RERG: variants seen among roughly 807,000 people sequenced by gnomAD.
The protein encoded by RERG is RAS like estrogen regulated growth inhibitor.
In RERG, 25 loss-of-function variants were observed where a neutral mutation model predicts 23.2. That is an observed-to-expected ratio of 1.08 (90% CI 0.79 to 1.50). The LOEUF (loss-of-function observed/expected upper bound fraction) is 1.50. Among genes scored for constraint, RERG ranks in the 40% most tolerant of loss-of-function variants. The pLI, the probability that RERG is intolerant of heterozygous loss-of-function variation, is 0.00. For synonymous variants in RERG, 81 were observed against 89.1 expected (o/e 0.91, Z 0.51); for missense variants, 253 against 250.1 (o/e 1.01, Z -0.08).
At position 15,126,720 on chromosome 12, in the gene RERG, C is replaced by CTTTT. The variant is rs1282479235; in HGVS notation, c.62-5602_62-5601insAAAA. ...CCAGATAGCATTTCTTTTTCTTTTT[C>CTTTT]TTTCTTTTTTTTTTTTTTTTGAGAC... On this transcript the variant is annotated intron_variant, in intron 2 of 4. Transcript: ENST00000256953. 1.7e-4 allele frequency among the ~76,000 whole-genome samples: 21 copies of CTTTT among 126,500 alleles called. 2 individuals carry two copies. The highest frequency in any genetic ancestry group is 2.5e-4 in the Non-Finnish European group (15 of 59,530). 83.0% of individuals were successfully genotyped at this position (126,500 alleles called of 152,430 possible). A position where few individuals can be genotyped will look rare whatever the true frequency, so the allele number is the denominator to read the frequency against.
intron 2 of RERG, among the ~76,000 whole-genome samples, chr12:15,178,734 T>C (rs1288435859): frequency 1.3e-5 from 2 of 152,196 alleles, no homozygotes; most frequent in African/African-American, 4.8e-5. Flanking sequence ...AAGACATTCA[T>C]TGTACAGGAA....
chr12:15,167,671 T>C (rs76205362), intron 2 of RERG, among the ~76,000 whole-genome samples: 2,912 of 152,288 alleles, frequency 0.019, 41 homozygotes, highest in Non-Finnish European at 0.029. Flanking sequence ...TTAAAAAAGA[T>C]AGTAGTAGTG....
chr12:15,179,768 A>T (rs1380404664), intron 2 of RERG, among the ~76,000 whole-genome samples: 1 of 152,194 alleles, frequency 6.6e-6, no homozygotes, highest in East Asian at 1.9e-4. Context: ...ACCAATCAAC[A>T]GAGAAAAAAA....
chr12:15,188,632 A>C (rs1026210255), intron 2 of RERG, among the ~76,000 whole-genome samples: 4 of 152,222 alleles, frequency 2.6e-5, no homozygotes, highest in African/African-American at 9.6e-5. Context: ...TTTTTTAAAA[A>C]AATTAAGTGT....
chr12:15,166,407 C>T (rs1399824873), intron 2 of RERG, among the ~76,000 whole-genome samples: 2 of 152,072 alleles, frequency 1.3e-5, no homozygotes, highest in African/African-American at 4.8e-5. Flanking sequence ...ATTTCAGTGT[C>T]TCCTTTTTAA....
Position 15,174,477 on chromosome 12 carries a change from T to A in RERG, c.61+42952A>T, listed in dbSNP as rs1279881409. Among the ~76,000 whole-genome samples, 9 of 141,284 alleles carry A rather than the reference T, an allele frequency of 6.4e-5. No individual in the cohort carries two copies. In the East Asian group the frequency reaches 1.2e-3, roughly 18 times the overall value. The allele number at this position is 141,284 out of a possible 152,430, so 92.7% of individuals were successfully genotyped here. A position where few individuals can be genotyped will look rare whatever the true frequency, so the allele number is the denominator to read the frequency against. ...TTTATTCTACTTGGAGTTTGTTGAG[T>A]GTGTGTGTGTGTGTGTGTGTATATA... On this transcript the variant is annotated intron_variant, in intron 2 of 4. Transcript: ENST00000256953.
At chr12:15,156,427 G>A (rs1035606036) in intron 2 of RERG, among the ~76,000 whole-genome samples, 8 of 152,190 alleles carry the variant, frequency 5.3e-5, no homozygotes, top group African/African-American at 1.9e-4. Context: ...ATCCTAATAC[G>A]GAAGTTTACC....
At chr12:15,163,116 T>C (rs1158297652) in intron 2 of RERG, among the ~76,000 whole-genome samples, 1 of 152,164 alleles carries the variant, frequency 6.6e-6, no homozygotes, top group African/African-American at 2.4e-5. Context: ...AGGTGGAGAC[T>C]ATAGCACTTT....
intron 2 of RERG, among the ~76,000 whole-genome samples, chr12:15,174,859 G>A (rs1304431895): frequency 6.6e-6 from 1 of 151,668 alleles, no homozygotes; most frequent in South Asian, 2.1e-4. Context: ...AGATATTGTT[G>A]TCATACTTTC....
At chr12:15,150,602 CA>C (rs1864424783) in intron 2 of RERG, among the ~76,000 whole-genome samples, 1 of 152,060 alleles carries the variant, frequency 6.6e-6, no homozygotes, top group Admixed American at 6.5e-5. Context: ...TAGTTTTCTC[CA>C]AAAAACCTTG....
intron 2 of RERG, among the ~76,000 whole-genome samples, chr12:15,150,669 T>C (rs1864425923): frequency 6.6e-6 from 1 of 152,250 alleles, no homozygotes; most frequent in South Asian, 2.1e-4. Context: ...CTTTAATTAC[T>C]CATCCAAGAT....
chr12:15,161,656 CTA>C (rs1864617307), intron 2 of RERG, among the ~76,000 whole-genome samples: 1 of 152,134 alleles, frequency 6.6e-6, no homozygotes, highest in Non-Finnish European at 1.5e-5. Context: ...GAATCAGAAC[CTA>C]TGTTAGGAGC....
At chr12:15,145,552 C>T (rs564908078) in intron 2 of RERG, among the ~76,000 whole-genome samples, 1 of 152,200 alleles carries the variant, frequency 6.6e-6, no homozygotes, top group East Asian at 1.9e-4. Flanking sequence ...CTGAGAGTGT[C>T]GCAGGTGTGC....
chr12:15,121,254 A>T (rs1050361114), intron 2 of RERG, 135 bp from the exon 3 acceptor site: 187 of 643,154 alleles, frequency 2.9e-4, no homozygotes, highest in Non-Finnish European at 3.8e-4. Flanking sequence ...AAACAAATAA[A>T]TTTTTTTATG....
chr12:15,109,338 G>A lies in RERG; in HGVS notation c.372C>T (p.His124=). 1 of 1,614,140 alleles carries A rather than the reference G, an allele frequency of 6.2e-7. No homozygotes were observed. The highest frequency in any genetic ancestry group is 2.2e-5 in the East Asian group (1 of 44,868). ...ILVGNKADLD[H]SRQVSTEEGE... ...CTTCTTCTGTGCTAACCTGCCTGGA[G>A]TGGTCCAAGTCAGCTTTGTTTCCAA... The change falls in exon 5 of 5, where the codon CAC becomes CAT. Residue 124 remains histidine (H), a synonymous_variant. Coordinates refer to ENST00000256953, the MANE Select transcript of RERG (RefSeq NM_032918.3).
Position 15,109,962 on chromosome 12 carries a change from AT to A in RERG, c.193-446del, listed in dbSNP as rs976543184. On this transcript the variant is annotated intron_variant, in intron 4 of 4. Transcript: ENST00000256953. Reference sequence around the variant, plus strand: ...CAAGATGCATTTTGGTTTATTTATTATTTTTTTGGTTTGTTGTTTGTTTTAA... The same window carrying A: ...CAAGATGCATTTTGGTTTATTTATTATTTTTTGGTTTGTTGTTTGTTTTAA... Among the ~76,000 whole-genome samples the A allele has an allele frequency of 5.9e-5, 9 of 152,064 alleles. No homozygotes were observed. In the East Asian group the frequency reaches 1.7e-3, roughly 29 times the overall value.
intron 2 of RERG, among the ~76,000 whole-genome samples, chr12:15,212,711 C>G (rs1287279771): frequency 1.3e-5 from 2 of 151,986 alleles, no homozygotes; most frequent in African/African-American, 4.8e-5. Context: ...GAAAACTGAC[C>G]TACCCAAGAT....
At chr12:15,144,651 C>A (rs371491987) in intron 2 of RERG, among the ~76,000 whole-genome samples, 1 of 152,050 alleles carries the variant, frequency 6.6e-6, no homozygotes, top group East Asian at 1.9e-4. Flanking sequence ...TGGATGACAG[C>A]GTGAATGGAG....
At position 15,109,247 on chromosome 12, in the gene RERG, T is replaced by A; in HGVS notation, c.463A>T (p.Asn155Tyr). 6.2e-7 allele frequency: 1 copy of A among 1,614,154 alleles called. No individual in the cohort carries two copies. Among genetic ancestry groups the A allele is most frequent in the Non-Finnish European group, 8.5e-7 (1 of 1,180,010 alleles). Reference sequence around the variant, plus strand: ...AATTCATAGAATATCTCTGTGATGTTCCCTTCTCCAGTGCAGGCAGAGCAC... The same window carrying A: ...AATTCATAGAATATCTCTGTGATGTACCCTTCTCCAGTGCAGGCAGAGCAC... ...YECSACTGEG[N>Y]ITEIFYELCR... Residue 155 changes from asparagine to tyrosine, a missense_variant, in exon 5 of 5, where the codon AAC becomes TAC. Coordinates refer to ENST00000256953, the MANE Select transcript of RERG (RefSeq NM_032918.3).
Sources: allele counts gnomAD v4.1 joint callset (sites outside exome capture counted in the v4.1 genomes callset), GRCh38; gene constraint gnomAD v4.1.1; transcripts MANE v1.5; gene names NCBI Gene and HGNC (gene_info 2026-07-23, HGNC 2026-07-21).